Variants in ZNF709 observed in about 807,000 individuals in gnomAD.
The protein encoded by ZNF709 is zinc finger protein 709.
Under a neutral mutation model 10.6 loss-of-function variants are expected in ZNF709, and 15 were observed. The observed-to-expected ratio is 1.41, with a 90% CI of 0.95 to 2.18. The LOEUF (loss-of-function observed/expected upper bound fraction) is 2.18, where lower values mean the gene tolerates loss of function less well. Ranked by LOEUF, ZNF709 falls within the 30% of genes most tolerant of loss-of-function variation. The pLI is 0.00. For synonymous variants in ZNF709, 194 were observed against 238.8 expected, an observed-to-expected ratio of 0.81 and a Z score of 1.73; for missense variants, 589 against 774.0, an observed-to-expected ratio of 0.76 and a Z score of 2.84.
At chr19:12,484,589 C>A in intron 1 of ZNF709, 66 bp downstream of exon 1, 1 of 1,595,024 alleles carries the variant, frequency 6.3e-7, no homozygotes, top group Non-Finnish European at 8.6e-7. Context: ...CCCACCACAG[C>A]CAGATCCGGC....
At chr19:12,481,917 A>AG (rs1421346736) in intron 1 of ZNF709, among the ~76,000 whole-genome samples, 2 of 151,168 alleles carry the variant, frequency 1.3e-5, no homozygotes, top group African/African-American at 2.4e-5. Flanking sequence ...ACTTAAAAAA[A>AG]AAAAAAAGGG....
rs530835009 is a variant in ZNF709 at position 12,469,130 on chromosome 19, C to G, written c.4-2280G>C. On this transcript the variant is annotated intron_variant, in intron 1 of 3. Transcript: ENST00000397732. ...GCTTGGGATTACAGGTGTGAGCCAC[C>G]GCACCCAGCCACGAGATTTTAATGA... Among the ~76,000 whole-genome samples, 4 of 152,200 alleles carry G rather than the reference C, an allele frequency of 2.6e-5. No individual in the cohort carries two copies. The East Asian group carries it at 7.7e-4, about 29-fold the overall frequency.
chr19:12,466,925 AG>A (rs1970576195), intron 1 of ZNF709, 75 bp from the exon 2 acceptor site: 2 of 1,518,184 alleles, frequency 1.3e-6, no homozygotes, highest in Admixed American at 4.6e-5. Flanking sequence ...GTTCATTAAA[AG>A]TTCATATATA....
intron 1 of ZNF709, among the ~76,000 whole-genome samples, chr19:12,467,563 C>G (rs1479239845): frequency 6.6e-6 from 1 of 152,222 alleles, no homozygotes; most frequent in Non-Finnish European, 1.5e-5. Flanking sequence ...CGGCTGCCAC[C>G]CCGTCTGGGA....
At chr19:12,465,764 A>G (rs1381862823) in intron 3 of ZNF709, 31 bp from the exon 4 acceptor site, 1 of 1,413,192 alleles carries the variant, frequency 7.1e-7, no homozygotes, top group Non-Finnish European at 9.3e-7. Context: ...AAAACGCACA[A>G]TTAGTGGCTT....
intron 1 of ZNF709, among the ~76,000 whole-genome samples, chr19:12,477,410 A>C (rs1237072290): frequency 6.6e-6 from 1 of 152,134 alleles, no homozygotes; most frequent in Admixed American, 6.5e-5. Context: ...TTCACTTATG[A>C]CTCACTGGTT....
chr19:12,484,714 G>A lies in ZNF709; in HGVS notation c.-57C>T. ...TTTACCTCTCCCGCGGCCAGCACAG[G>A]TCCTACCTCCACCTGAGGCCCTTCC... is the stretch of plus-strand genomic sequence containing the variant. On this transcript the variant is annotated 5_prime_UTR_variant, in exon 1 of 4. Coordinates refer to ENST00000397732, the MANE Select transcript of ZNF709 (RefSeq NM_152601.4). 2 of 1,613,382 alleles carry A rather than the reference G, an allele frequency of 1.2e-6. No individual in the cohort carries two copies. The highest frequency in any genetic ancestry group is 1.7e-6 in the Non-Finnish European group (2 of 1,179,412).
intron 1 of ZNF709, among the ~76,000 whole-genome samples, chr19:12,468,242 G>A (rs1371944350): frequency 6.6e-6 from 1 of 152,228 alleles, no homozygotes; most frequent in East Asian, 1.9e-4. Context: ...GCGGTTTTGT[G>A]GAATAGAAAA....
intron 1 of ZNF709, among the ~76,000 whole-genome samples, chr19:12,468,099 G>A (rs1400257407): frequency 8.1e-5 from 12 of 147,394 alleles, no homozygotes; most frequent in Admixed American, 4.7e-4. Context: ...CCGGCCAGCC[G>A]CCCAGTCCAG....
Position 12,464,265 on chromosome 19 carries a change from T to C in ZNF709, c.1657A>G (p.Thr553Ala), listed in dbSNP as rs1287223830. Residue 553 changes from threonine to alanine, a missense_variant, in exon 4 of 4, where the codon ACT becomes GCT. Transcript: ENST00000397732. ...TCATAAGGTTTCTCTCCAGTGTGAG[T>C]CCTTTCATGTATTCGAATGGAACTG... ...CSSSIRIHER[T>A]HTGEKPYECK... 6.2e-7 allele frequency: 1 copy of C among 1,602,116 alleles called. No individual in the cohort carries two copies. The highest frequency in any genetic ancestry group is 8.5e-7 in the Non-Finnish European group (1 of 1,174,498).
chr19:12,471,406 T>C (rs1176466196), intron 1 of ZNF709, among the ~76,000 whole-genome samples: 2 of 152,140 alleles, frequency 1.3e-5, no homozygotes, highest in Non-Finnish European at 2.9e-5. Flanking sequence ...ATCCCTAAAA[T>C]AGACTTATAA....
At chr19:12,478,033 C>G (rs1373936987) in intron 1 of ZNF709, among the ~76,000 whole-genome samples, 1 of 152,098 alleles carries the variant, frequency 6.6e-6, no homozygotes, top group African/African-American at 2.4e-5. Flanking sequence ...ATGAGTGTGC[C>G]CTATAATCCT....
rs1269716826 is a variant in ZNF709 at position 12,462,763 on chromosome 19, C to G, written c.*1233G>C. ...CATTTTTTGATGGCCCATTACAGCACAACTAAAAAATACATAAAAATCAAA... is the reference window on the plus strand; with the variant it reads ...CATTTTTTGATGGCCCATTACAGCAGAACTAAAAAATACATAAAAATCAAA... On this transcript the variant is annotated 3_prime_UTR_variant, in exon 4 of 4. Transcript: ENST00000397732. The G allele has an allele frequency of 2.0e-5, 3 of 151,882 alleles. No homozygotes were observed. Among genetic ancestry groups the G allele is most frequent in the African/African-American group, 4.8e-5 (2 of 41,314 alleles). 9.4% of individuals were successfully genotyped at this position (151,882 alleles called of 1,614,324 possible).
chr19:12,483,260 C>T (rs899216535), intron 1 of ZNF709, among the ~76,000 whole-genome samples: 4 of 151,920 alleles, frequency 2.6e-5, no homozygotes, highest in Admixed American at 2.6e-4. Flanking sequence ...CCCGCCTCGG[C>T]CTCCCAAGTA....
rs770452098 is a variant in ZNF709 at position 12,465,249 on chromosome 19, T to G, written c.673A>C (p.Lys225Gln). ...MRMHTGEKPY[K>Q]CKECGKTFSH... The stretch of plus-strand genomic sequence containing the variant: ...AACGTTTTCCCGCATTCTTTACATT[T>G]ATAGGGTTTCTCCCCTGTGTGCATT... The change falls in exon 4 of 4, where the codon AAA (lysine) becomes CAA (glutamine). Residue 225 changes from lysine to glutamine, a missense_variant. By Grantham distance (53) the Lys-to-Gln change is moderately conservative. Coordinates refer to ENST00000397732, the MANE Select transcript of ZNF709 (RefSeq NM_152601.4). 1 of 1,612,824 alleles carries G rather than the reference T, an allele frequency of 6.2e-7. No individual in the cohort carries two copies. Among genetic ancestry groups the G allele is most frequent in the Non-Finnish European group, 8.5e-7 (1 of 1,179,080 alleles).
chr19:12,468,171 C>T (rs1970600820), intron 1 of ZNF709, among the ~76,000 whole-genome samples: 1 of 152,232 alleles, frequency 6.6e-6, no homozygotes, highest in Non-Finnish European at 1.5e-5. Context: ...CTCTGCCCGG[C>T]CACCACCCCG....
rs567117663 is a variant in ZNF709 at position 12,465,652 on chromosome 19, T to G, written c.270A>C (p.Lys90Asn). 8.7e-6 allele frequency: 14 copies of G among 1,613,266 alleles called. No individual in the cohort carries two copies. In the African/African-American group the frequency reaches 1.7e-4, roughly 20 times the overall value. The change falls in exon 4 of 4, where the codon AAA (lysine) becomes AAC (asparagine). Residue 90 changes from lysine (K) to asparagine (N), a missense_variant. Coordinates refer to ENST00000397732, the MANE Select transcript of ZNF709 (RefSeq NM_152601.4). ...GETISQTPNP[K>N]PNKKTFTRVK... ...CTCTAGTAAAAGTTTTCTTGTTTGG[T>G]TTAGGATTTGGAGTCTGACTGATGG...
intron 1 of ZNF709, among the ~76,000 whole-genome samples, chr19:12,472,735 T>C (rs1970644125): frequency 6.6e-6 from 1 of 151,694 alleles, no homozygotes. Flanking sequence ...ATACAAAAAT[T>C]AGCCAGGTGT....
chr19:12,481,263 C>T, intron 1 of ZNF709: 1 of 815,288 alleles, frequency 1.2e-6, no homozygotes, highest in Non-Finnish European at 1.5e-6. Flanking sequence ...TGGAGTCCTG[C>T]TCTGTTGCCC....
Sources: allele counts gnomAD v4.1 joint callset (sites outside exome capture counted in the v4.1 genomes callset), GRCh38; gene constraint gnomAD v4.1.1; transcripts MANE v1.5; gene names NCBI Gene and HGNC (gene_info 2026-07-23, HGNC 2026-07-21).